The following CNTNAP2 variants were observed in gnomAD, a reference collection of about 807,000 sequenced individuals.
CNTNAP2 encodes contactin-associated protein-like 2.
CNTNAP2 carries 98 observed loss-of-function variants against 155.2 expected under a neutral mutation model. The observed-to-expected ratio is 0.63, with a 90% CI of 0.54 to 0.75. CNTNAP2 has a LOEUF of 0.75. Among genes scored for constraint, CNTNAP2 ranks in the 30% least tolerant of loss-of-function variants. The pLI is 0.00. For synonymous variants in CNTNAP2, 651 were observed against 631.2 expected, an observed-to-expected ratio of 1.03 and a Z score of -0.47; for missense variants, 1,727 against 1,688.1, an observed-to-expected ratio of 1.02 and a Z score of -0.40.
chr7:146,533,015 T>C (rs4348398), intron 1 of CNTNAP2, among the ~76,000 whole-genome samples: 2 of 149,314 alleles, frequency 1.3e-5, no homozygotes, highest in Non-Finnish European at 2.9e-5. Flanking sequence ...GGGAGGAGAA[T>C]TGCTTGAACC....
chr7:146,429,535 G>A (rs1435942662), intron 1 of CNTNAP2, among the ~76,000 whole-genome samples: 1 of 151,962 alleles, frequency 6.6e-6, no homozygotes, highest in Non-Finnish European at 1.5e-5. Context: ...GTTTCCTGTT[G>A]TTGGTGCATA....
chr7:146,368,402 C>G (rs906834389), intron 1 of CNTNAP2, among the ~76,000 whole-genome samples: 5 of 151,792 alleles, frequency 3.3e-5, no homozygotes, highest in African/African-American at 1.2e-4. Context: ...GATAAACATC[C>G]CAGATTGGTA....
chr7:148,166,988 A>G (rs1805679259), intron 17 of CNTNAP2, among the ~76,000 whole-genome samples: 1 of 152,206 alleles, frequency 6.6e-6, no homozygotes, highest in South Asian at 2.1e-4. Flanking sequence ...GATCAGGAAA[A>G]GTACCTTCTA....
At chr7:146,775,705 TGTATC>T (rs1802378817) in intron 2 of CNTNAP2, among the ~76,000 whole-genome samples, 1 of 151,332 alleles carries the variant, frequency 6.6e-6, no homozygotes, top group African/African-American at 2.4e-5. Flanking sequence ...GAAAAAATAT[TGTATC>T]AGAAAAGAAA....
intron 18 of CNTNAP2, among the ~76,000 whole-genome samples, chr7:148,205,746 G>A (rs1795438284): frequency 1.3e-5 from 2 of 152,204 alleles, no homozygotes; most frequent in Non-Finnish European, 2.9e-5. Flanking sequence ...ACTAGTTGAA[G>A]AATATACTAT....
At chr7:146,962,237 G>A (rs1248787262) in intron 3 of CNTNAP2, among the ~76,000 whole-genome samples, 3 of 152,122 alleles carry the variant, frequency 2.0e-5, no homozygotes, top group Admixed American at 2.0e-4. Flanking sequence ...TGCTAAATAA[G>A]ATAACTGTTG....
chr7:146,849,339 C>T (rs1794827826), intron 3 of CNTNAP2, among the ~76,000 whole-genome samples: 1 of 152,116 alleles, frequency 6.6e-6, no homozygotes, highest in African/African-American at 2.4e-5. Context: ...CATGATGTCC[C>T]TTAAACTGGA....
At position 147,117,527 on chromosome 7, in the gene CNTNAP2, A is replaced by G. The variant is rs554476693; in HGVS notation, c.755-3452A>G. Among the ~76,000 whole-genome samples, 56 of 152,120 alleles carry G rather than the reference A, an allele frequency of 3.7e-4. No individual in the cohort carries two copies. The South Asian group carries it at 0.011, about 30-fold the overall frequency. ...TGAATATTTCATTTGAAAAGGCTGT[A>G]TTTACTGATCCCTTCCATTCCTCTC... is the stretch of plus-strand genomic sequence containing the variant. On this transcript the variant is annotated intron_variant, in intron 5 of 23. Coordinates refer to ENST00000361727, the MANE Select transcript of CNTNAP2 (RefSeq NM_014141.6).
chr7:146,223,146 C>T (rs1028077581), intron 1 of CNTNAP2, among the ~76,000 whole-genome samples: 3 of 152,270 alleles, frequency 2.0e-5, no homozygotes, highest in African/African-American at 7.2e-5. Context: ...CCATTGTGAT[C>T]ATCCTGAGGT....
intron 8 of CNTNAP2, among the ~76,000 whole-genome samples, chr7:147,147,684 C>T (rs1801734755): frequency 6.6e-6 from 1 of 152,080 alleles, no homozygotes; most frequent in Non-Finnish European, 1.5e-5. Flanking sequence ...TTTCTATTAC[C>T]AGCTCCCAAG....
In CNTNAP2 at chr7:148,228,784, C is replaced by T. The variant is rs959356697; in HGVS notation, c.3248-862C>T. On this transcript the variant is annotated intron_variant, in intron 19 of 23. Transcript: ENST00000361727. ...CGGAGCTTACAGTGAGCCGAGATCG[C>T]GCCACTGCACTCCAGCCTGGGCGAC... 3.4e-5 allele frequency among the ~76,000 whole-genome samples: 5 copies of T among 145,072 alleles called. No individual in the cohort carries two copies. The South Asian group carries it at 8.7e-4, about 25-fold the overall frequency.
intron 1 of CNTNAP2, among the ~76,000 whole-genome samples, chr7:146,344,839 C>T (rs1395519487): frequency 6.6e-6 from 1 of 152,160 alleles, no homozygotes; most frequent in Non-Finnish European, 1.5e-5. Context: ...CCAGTAGTTA[C>T]ATACCTTAAG....
At chr7:146,665,942 T>A (rs758407239) in intron 1 of CNTNAP2, among the ~76,000 whole-genome samples, 4 of 151,996 alleles carry the variant, frequency 2.6e-5, no homozygotes, top group Non-Finnish European at 5.9e-5. Context: ...TTAATCAGAA[T>A]GGGATAATTA....
At chr7:146,708,075 C>A (rs1236980494) in intron 1 of CNTNAP2, among the ~76,000 whole-genome samples, 1 of 151,952 alleles carries the variant, frequency 6.6e-6, no homozygotes, top group African/African-American at 2.4e-5. Context: ...AGTAACAGTT[C>A]AGTAAAAGAA....
intron 21 of CNTNAP2, among the ~76,000 whole-genome samples, chr7:148,366,291 CAT>C (rs1386544916): frequency 9.3e-6 from 1 of 108,070 alleles, no homozygotes; most frequent in African/African-American, 2.8e-5. Flanking sequence ...TGTATGTGTA[CAT>C]GTATATATGT....
At chr7:148,083,505 G>C (rs1803656566) in intron 15 of CNTNAP2, among the ~76,000 whole-genome samples, 1 of 152,182 alleles carries the variant, frequency 6.6e-6, no homozygotes. Flanking sequence ...ACTGAAACCA[G>C]AGGCAGAGAG....
chr7:146,858,975 T>C (rs1795045460), intron 3 of CNTNAP2, among the ~76,000 whole-genome samples: 1 of 152,198 alleles, frequency 6.6e-6, no homozygotes, highest in African/African-American at 2.4e-5. Context: ...GTAAGGGTTT[T>C]ACATGACACA....
intron 9 of CNTNAP2, among the ~76,000 whole-genome samples, chr7:147,338,145 T>A (rs2116854316): frequency 6.6e-6 from 1 of 152,166 alleles, no homozygotes; most frequent in East Asian, 1.9e-4. Context: ...TCAGGAAACT[T>A]ACAATCATGG....
chr7:147,039,305 A>T (rs375928596), intron 3 of CNTNAP2, among the ~76,000 whole-genome samples: 2 of 152,060 alleles, frequency 1.3e-5, no homozygotes, highest in Non-Finnish European at 2.9e-5. Context: ...AGATTATTTC[A>T]TCACCCAGGT....
Sources: allele counts gnomAD v4.1 joint callset (sites outside exome capture counted in the v4.1 genomes callset), GRCh38; gene constraint gnomAD v4.1.1; transcripts MANE v1.5; gene names NCBI Gene and HGNC (gene_info 2026-07-23, HGNC 2026-07-21).